CBX1: variants seen among roughly 807,000 people sequenced by gnomAD.
The protein encoded by CBX1 is chromobox 1.
CBX1 carries 10 observed loss-of-function variants against 25.1 expected under a neutral mutation model. The ratio of observed to expected loss-of-function variants is 0.40; its 90% CI spans 0.25 to 0.68. The LOEUF is 0.68. CBX1 is among the 30% of genes least tolerant of loss of function. The pLI, the probability that CBX1 is intolerant of heterozygous loss-of-function variation, is 0.40. For synonymous variants in CBX1, 63 were observed against 79.4 expected, an observed-to-expected ratio of 0.79 and a Z score of 1.10; for missense variants, 106 against 218.5, an observed-to-expected ratio of 0.49 and a Z score of 3.25.
chr17:48,070,278 GTGTGTA>G lies in CBX1; in HGVS notation c.*1151_*1156del, dbSNP rs1333236086. 1.3e-5 allele frequency: 2 copies of G among 152,660 alleles called. No homozygotes were observed. Among genetic ancestry groups the G allele is most frequent in the Non-Finnish European group, 2.9e-5 (2 of 68,048 alleles). The allele number at this position is 152,660 out of a possible 1,614,324, so 9.5% of individuals were successfully genotyped here. A position where few individuals can be genotyped will look rare whatever the true frequency, so the allele number is the denominator to read the frequency against. ...AGGATTTCTTAAAAAATTGTTTTGT[GTGTGTA>G]TGTGTGTGTTTTAAAGTGAACCACT... On this transcript the variant is annotated 3_prime_UTR_variant, in exon 5 of 5. Coordinates refer to ENST00000225603, the MANE Select transcript of CBX1 (RefSeq NM_001127228.2).
At chr17:48,098,014 C>T (rs919663421) in intron 1 of CBX1, among the ~76,000 whole-genome samples, 5 of 152,144 alleles carry the variant, frequency 3.3e-5, no homozygotes, top group African/African-American at 9.7e-5. Flanking sequence ...AGTTGCACAG[C>T]CTGTATACCT....
intron 1 of CBX1, among the ~76,000 whole-genome samples, chr17:48,082,645 T>A (rs144693773): frequency 6.7e-6 from 1 of 149,224 alleles, no homozygotes; most frequent in Non-Finnish European, 1.5e-5. Context: ...CAAATGATCC[T>A]CTTCCTTAGC....
At chr17:48,092,938 C>T (rs1303553041) in intron 1 of CBX1, among the ~76,000 whole-genome samples, 1 of 151,912 alleles carries the variant, frequency 6.6e-6, no homozygotes, top group East Asian at 1.9e-4. Context: ...GACGTGGTGG[C>T]GCATGCCTGT....
Position 48,100,604 on chromosome 17 carries a change from CATACCTTATAGAAAT to C in CBX1, c.-38+649_-38+663del, listed in dbSNP as rs2063403488. The C allele has an allele frequency of 7.8e-6, 4 of 510,910 alleles. No homozygotes were observed. In the Admixed American group the frequency reaches 2.6e-4, roughly 33 times the overall value. 31.6% of individuals were successfully genotyped at this position (510,910 alleles called of 1,614,324 possible). On this transcript the variant is annotated intron_variant, in intron 1 of 4. Coordinates refer to ENST00000225603, the MANE Select transcript of CBX1 (RefSeq NM_001127228.2). ...CGGCCTGCTTTCCCCTTTTTTCTTA[CATACCTTATAGAAAT>C]ATTCTCGGGATCTCCGCCCTACTTA...
intron 4 of CBX1, among the ~76,000 whole-genome samples, chr17:48,072,449 A>G (rs939771402): frequency 6.6e-6 from 1 of 152,192 alleles, no homozygotes; most frequent in Non-Finnish European, 1.5e-5. Flanking sequence ...ATGTTTCAAC[A>G]TCGGGAGTAG....
At chr17:48,092,546 C>T (rs1323636853) in intron 1 of CBX1, among the ~76,000 whole-genome samples, 1 of 151,120 alleles carries the variant, frequency 6.6e-6, no homozygotes, top group Non-Finnish European at 1.5e-5. Flanking sequence ...CTCCACCTCC[C>T]GGGTTCAAGG....
chr17:48,101,134 G>T, intron 1 of CBX1, 134 bp downstream of exon 1: 12 of 986,490 alleles, frequency 1.2e-5, no homozygotes, highest in Non-Finnish European at 1.4e-5. Flanking sequence ...AAGCGGAGAA[G>T]CAGGACGCTG....
intron 1 of CBX1, among the ~76,000 whole-genome samples, chr17:48,092,547 G>A (rs1457754408): frequency 2.0e-5 from 3 of 150,572 alleles, no homozygotes; most frequent in Non-Finnish European, 4.4e-5. Flanking sequence ...TCCACCTCCC[G>A]GGTTCAAGGG....
chr17:48,075,147 T>G (rs1011065104), intron 3 of CBX1, 47 bp from the exon 4 acceptor site: 19 of 1,215,360 alleles, frequency 1.6e-5, no homozygotes, highest in Non-Finnish European at 2.0e-5. Context: ...ATGGGACTAT[T>G]ATCCAGACTG....
intron 1 of CBX1, among the ~76,000 whole-genome samples, chr17:48,077,327 G>A (rs1598304692): frequency 6.6e-6 from 1 of 150,570 alleles, no homozygotes; most frequent in African/African-American, 2.5e-5. Flanking sequence ...GCGCAATCTC[G>A]GCTTACTGCA....
intron 1 of CBX1, among the ~76,000 whole-genome samples, chr17:48,089,426 A>G (rs2063331196): frequency 7.3e-6 from 1 of 136,942 alleles, no homozygotes; most frequent in African/African-American, 2.7e-5. Context: ...TCAAAGCTCC[A>G]CAGGTGATTT....
chr17:48,100,805 A>T (rs1330721535), intron 1 of CBX1: 3 of 985,438 alleles, frequency 3.0e-6, no homozygotes, highest in Middle Eastern at 5.2e-4. Context: ...ACTCCTCCGT[A>T]GTCCTGCAAA....
intron 4 of CBX1, among the ~76,000 whole-genome samples, chr17:48,071,865 T>A (rs561365160): frequency 2.0e-5 from 3 of 152,278 alleles, no homozygotes; most frequent in East Asian, 1.9e-4. Flanking sequence ...CCAAAAAGCA[T>A]GACTCTCTAG....
At position 48,083,539 on chromosome 17, in the gene CBX1, G is replaced by GC. The variant is rs1165521866; in HGVS notation, c.-37-6499dup. Reference sequence around the variant, plus strand: ...TGTCTCTTTAAAAATCTTCTTATTGGCCAGGTGGCGTGGTGGCTCACGCCT... The same window carrying GC: ...TGTCTCTTTAAAAATCTTCTTATTGGCCCAGGTGGCGTGGTGGCTCACGCCT... On this transcript the variant is annotated intron_variant, in intron 1 of 4. Coordinates refer to ENST00000225603, the MANE Select transcript of CBX1 (RefSeq NM_001127228.2). Among the ~76,000 whole-genome samples the GC allele has an allele frequency of 4.0e-5, 6 of 150,164 alleles. 2 individuals are homozygous for GC. The highest frequency in any genetic ancestry group is 1.5e-4 in the African/African-American group (6 of 39,692).
intron 1 of CBX1, among the ~76,000 whole-genome samples, chr17:48,089,261 C>T (rs1185276946): frequency 6.6e-6 from 1 of 151,162 alleles, no homozygotes; most frequent in Non-Finnish European, 1.5e-5. Context: ...CCACCACGCC[C>T]GGCTAATTTT....
intron 1 of CBX1, among the ~76,000 whole-genome samples, chr17:48,094,210 G>A (rs1023695082): frequency 1.3e-5 from 2 of 151,696 alleles, no homozygotes; most frequent in Non-Finnish European, 2.9e-5. Flanking sequence ...AAGGCAGGTG[G>A]ATCACTTGAG....
At chr17:48,097,658 A>G (rs989537192) in intron 1 of CBX1, among the ~76,000 whole-genome samples, 2 of 151,902 alleles carry the variant, frequency 1.3e-5, no homozygotes, top group Admixed American at 6.6e-5. Context: ...TCTGTTACGC[A>G]CTCAAAGTGT....
chr17:48,074,282 G>A (rs2037654219), intron 4 of CBX1, among the ~76,000 whole-genome samples: 1 of 152,168 alleles, frequency 6.6e-6, no homozygotes, highest in Non-Finnish European at 1.5e-5. Flanking sequence ...CATTGGCAAT[G>A]GCTTAGAATT....
chr17:48,075,244 G>C, intron 3 of CBX1, 144 bp from the exon 4 acceptor site: 2 of 611,794 alleles, frequency 3.3e-6, no homozygotes, highest in Non-Finnish European at 2.9e-6. Context: ...GCCCAGGCTG[G>C]AGTGCAGTGG....
Sources: allele counts gnomAD v4.1 joint callset (sites outside exome capture counted in the v4.1 genomes callset), GRCh38; gene constraint gnomAD v4.1.1; transcripts MANE v1.5; gene names NCBI Gene and HGNC (gene_info 2026-07-23, HGNC 2026-07-21).